Variants in SMYD3 observed in about 807,000 individuals in gnomAD.
The protein encoded by SMYD3 is SET and MYND domain containing 3, also known as histone-lysine N-methyltransferase SMYD3.
A neutral mutation model predicts 57.7 loss-of-function variants in SMYD3; 36 were observed. The observed-to-expected ratio is 0.62, with a 90% CI of 0.48 to 0.82. The LOEUF (loss-of-function observed/expected upper bound fraction) is 0.82. SMYD3 is among the 40% of genes least tolerant of loss of function. The pLI is 0.00. For missense variants in SMYD3, 515 were observed against 538.8 expected, an observed-to-expected ratio of 0.96 and a Z score of 0.44; for synonymous variants, 211 against 195.0, an observed-to-expected ratio of 1.08 and a Z score of -0.68.
At chr1:246,244,254 T>C (rs1038362535) in intron 5 of SMYD3, among the ~76,000 whole-genome samples, 2 of 152,148 alleles carry the variant, frequency 1.3e-5, no homozygotes, top group Admixed American at 6.5e-5. Context: ...TGTAAATTCA[T>C]TGTACTTTTC....
At chr1:245,815,626 C>G (rs182121405) in intron 10 of SMYD3, among the ~76,000 whole-genome samples, 1 of 152,360 alleles carries the variant, frequency 6.6e-6, no homozygotes, top group East Asian at 1.9e-4. Flanking sequence ...AGAAGCAACC[C>G]TGTCCCTGTA....
At chr1:245,891,792 C>A (rs1405669003) in intron 8 of SMYD3, among the ~76,000 whole-genome samples, 1 of 152,154 alleles carries the variant, frequency 6.6e-6, no homozygotes, top group Non-Finnish European at 1.5e-5. Flanking sequence ...CCTGTAATCC[C>A]AACAGTTTGG....
At chr1:245,770,828 C>T (rs1380799592) in intron 10 of SMYD3, among the ~76,000 whole-genome samples, 1 of 151,974 alleles carries the variant, frequency 6.6e-6, no homozygotes, top group Admixed American at 6.6e-5. Context: ...AATTTTAGAA[C>T]TGAAAAATAG....
At position 245,942,972 on chromosome 1, in the gene SMYD3, T is replaced by C. The variant is rs546349776; in HGVS notation, c.532-13035A>G. On this transcript the variant is annotated intron_variant, in intron 5 of 11. Transcript: ENST00000490107. ...AAACTATGTACCAGAACCTCTGGGA[T>C]AGAGCTAAAGCAGTGTTAAGAGGGG... Among the ~76,000 whole-genome samples the C allele has an allele frequency of 7.2e-5, 11 of 152,150 alleles. No homozygotes were observed. The South Asian group carries it at 1.0e-3, about 14-fold the overall frequency.
At chr1:246,338,521 T>C (rs1303008593) in intron 2 of SMYD3, among the ~76,000 whole-genome samples, 1 of 152,212 alleles carries the variant, frequency 6.6e-6, no homozygotes, top group African/African-American at 2.4e-5. Context: ...CTCATAACAT[T>C]GGCTGTAGTA....
chr1:246,391,211 C>T (rs1332060262), intron 1 of SMYD3, among the ~76,000 whole-genome samples: 1 of 142,702 alleles, frequency 7.0e-6, no homozygotes, highest in Non-Finnish European at 1.5e-5. Context: ...CTAAGCGAGA[C>T]TCTATATCTG....
In SMYD3 at chr1:246,355,304, C is replaced by A; in HGVS notation, c.165-210G>T. The A allele has an allele frequency of 1.9e-6, 1 of 537,172 alleles. No homozygotes were observed. The allele number at this position is 537,172 out of a possible 1,614,324, so 33.3% of individuals were successfully genotyped here. ...TGATAGAAAAACTAAGTCCTTTTGT[C>A]TGACAGAAGATGGCGGGGAAGAGGC... On this transcript the variant is annotated intron_variant, in intron 1 of 11. Transcript: ENST00000490107. The surrounding 1 kb of genome is among the most constrained non-coding windows in gnomAD (Gnocchi z 5.0).
rs547207506 is a variant in SMYD3 at position 246,100,445 on chromosome 1, C to T, written c.532-170508G>A. 1.6e-4 allele frequency among the ~76,000 whole-genome samples: 25 copies of T among 152,322 alleles called. No homozygotes were observed. In the South Asian group the frequency reaches 4.8e-3, roughly 29 times the overall value. On this transcript the variant is annotated intron_variant, in intron 5 of 11. Transcript: ENST00000490107. Reference sequence around the variant, plus strand: ...GGACGTCTCCACTGGGCAATTACCACACCAACAGGCAATGCCTATGTCAAC... The same window carrying T: ...GGACGTCTCCACTGGGCAATTACCATACCAACAGGCAATGCCTATGTCAAC...
chr1:245,836,379 C>A (rs2148402664), intron 10 of SMYD3, among the ~76,000 whole-genome samples: 1 of 152,350 alleles, frequency 6.6e-6, no homozygotes, highest in East Asian at 1.9e-4. Flanking sequence ...CGGTCCTGAA[C>A]TGACCATGCA....
chr1:246,328,748 G>C (rs1042922121), intron 4 of SMYD3, among the ~76,000 whole-genome samples: 1 of 151,428 alleles, frequency 6.6e-6, no homozygotes, highest in East Asian at 1.9e-4. Flanking sequence ...GTGCAGGTTA[G>C]TTACATATGT....
intron 5 of SMYD3, among the ~76,000 whole-genome samples, chr1:246,154,166 G>A (rs1473671078): frequency 6.6e-6 from 1 of 152,174 alleles, no homozygotes; most frequent in Non-Finnish European, 1.5e-5. Flanking sequence ...TACATTCACT[G>A]AACGAATCAA....
At chr1:246,028,722 T>A (rs1449709513) in intron 5 of SMYD3, among the ~76,000 whole-genome samples, 1 of 152,158 alleles carries the variant, frequency 6.6e-6, no homozygotes, top group East Asian at 1.9e-4. Flanking sequence ...ACAGAAATAT[T>A]TTTTTAAATC....
chr1:246,347,579 A>G (rs1330868284), intron 2 of SMYD3, among the ~76,000 whole-genome samples: 1 of 152,192 alleles, frequency 6.6e-6, no homozygotes, highest in African/African-American at 2.4e-5. Flanking sequence ...TCCAAAACTC[A>G]TGTTGAACTT....
chr1:246,368,861 T>C (rs1572428812), intron 1 of SMYD3, among the ~76,000 whole-genome samples: 1 of 152,218 alleles, frequency 6.6e-6, no homozygotes, highest in African/African-American at 2.4e-5. Context: ...TTCTTCAGTT[T>C]TGGGACTCAG....
intron 5 of SMYD3, among the ~76,000 whole-genome samples, chr1:246,225,067 G>A (rs1344460837): frequency 6.6e-6 from 1 of 151,684 alleles, no homozygotes. Flanking sequence ...TAGTATATTG[G>A]CATCAAAGAG....
chr1:246,055,516 G>T (rs1442911321), intron 5 of SMYD3, among the ~76,000 whole-genome samples: 1 of 152,168 alleles, frequency 6.6e-6, no homozygotes, highest in Non-Finnish European at 1.5e-5. Context: ...ATAACCTGAA[G>T]AGCTGAAAGC....
intron 10 of SMYD3, among the ~76,000 whole-genome samples, chr1:245,785,644 C>CGAGAGAGAGAGAGAGA (rs59644890): frequency 1.3e-5 from 2 of 149,376 alleles, no homozygotes; most frequent in African/African-American, 4.9e-5. Context: ...AGAGAGCGAG[C>CGAGAGAGAGAGAGAGA]GAGAGAGAGA....
At chr1:246,413,997 A>G (rs1157758597) in intron 1 of SMYD3, among the ~76,000 whole-genome samples, 1 of 152,240 alleles carries the variant, frequency 6.6e-6, no homozygotes, top group African/African-American at 2.4e-5. Flanking sequence ...TGTAATATTG[A>G]ATATGAAGTG....
intron 1 of SMYD3, among the ~76,000 whole-genome samples, chr1:246,406,998 C>T (rs917120736): frequency 2.0e-5 from 3 of 152,200 alleles, no homozygotes; most frequent in Admixed American, 1.3e-4. Flanking sequence ...CTGACTAAAT[C>T]CCCTGGGGGA....
Sources: gnomAD v4.1 joint callset for allele counts (sites outside exome capture counted in the v4.1 genomes callset) on GRCh38, gnomAD v4.1.1 for gene constraint, Gnocchi (gnomAD v3.1) non-coding constraint, MANE v1.5 for transcripts, NCBI Gene and HGNC (gene_info 2026-07-23, HGNC 2026-07-21) for gene names.